Variants in ZNF66 observed in about 807,000 individuals in gnomAD.
ZNF66 encodes the protein zinc finger protein 66.
In ZNF66, 32 loss-of-function variants were observed where a neutral mutation model predicts 35.2. The observed-to-expected ratio is 0.91, with a 90% CI of 0.69 to 1.22. ZNF66 has a LOEUF of 1.22. Among genes scored for constraint, ZNF66 ranks in the 50% most tolerant of loss-of-function variants. ZNF66 has a pLI of 0.00. For synonymous variants in ZNF66, 231 were observed against 181.3 expected (o/e 1.27, Z -2.20); for missense variants, 666 against 543.1 (o/e 1.23, Z -2.25).
At chr19:20,787,760 A>AC in intron 1 of ZNF66, among the ~76,000 whole-genome samples, 1 of 152,350 alleles carries the variant, frequency 6.6e-6, no homozygotes, top group East Asian at 1.9e-4. Context: ...AATTATAATT[A>AC]CCTGTAAAGT....
At position 20,795,605 on chromosome 19, in the gene ZNF66, G is replaced by A. The variant is rs183806485; in HGVS notation, c.226+1727G>A. Reference sequence around the variant, plus strand: ...TGGTCTTGAACTCCTGACCTCAGGCGATCCGCCCGCCTCAGCCTCCCAAAT... The same window carrying A: ...TGGTCTTGAACTCCTGACCTCAGGCAATCCGCCCGCCTCAGCCTCCCAAAT... On this transcript the variant is annotated intron_variant, in intron 3 of 3. Transcript: ENST00000344519. 2.0e-4 allele frequency among the ~76,000 whole-genome samples: 31 copies of A among 152,140 alleles called. 1 individual carries two copies. Among genetic ancestry groups the A allele is most frequent in the Middle Eastern group, 3.4e-3 (1 of 294 alleles).
intron 3 of ZNF66, among the ~76,000 whole-genome samples, chr19:20,798,508 T>C (rs895028802): frequency 5.9e-5 from 9 of 151,466 alleles, no homozygotes; most frequent in Admixed American, 5.3e-4. Flanking sequence ...TGAGGGGGAG[T>C]CAAAATTGTG....
chr19:20,779,245 C>A (rs752346316), intron 1 of ZNF66, among the ~76,000 whole-genome samples: 1 of 150,096 alleles, frequency 6.7e-6, no homozygotes, highest in Non-Finnish European at 1.5e-5. Context: ...ATTATTGCAA[C>A]AGGAGAAAGT....
intron 3 of ZNF66, among the ~76,000 whole-genome samples, chr19:20,800,787 T>C (rs980258390): frequency 6.6e-6 from 1 of 152,180 alleles, no homozygotes; most frequent in Admixed American, 6.5e-5. Context: ...AAATAAACCT[T>C]TTTTCTTTAT....
intron 3 of ZNF66, among the ~76,000 whole-genome samples, chr19:20,797,147 G>A (rs559230471): frequency 5.3e-4 from 77 of 146,322 alleles, no homozygotes; most frequent in African/African-American, 1.8e-3. Flanking sequence ...CACCACACCC[G>A]GCCTGACAAT....
At chr19:20,782,023 A>G (rs1971250082) in intron 1 of ZNF66, among the ~76,000 whole-genome samples, 1 of 152,006 alleles carries the variant, frequency 6.6e-6, no homozygotes. Context: ...TTTAACCTCA[A>G]CCTCCCAGGC....
Position 20,806,813 on chromosome 19 carries a change from G to A in ZNF66, c.1213G>A (p.Val405Met), listed in dbSNP as rs762663898. 10 of 1,303,566 alleles carry A rather than the reference G, an allele frequency of 7.7e-6. No homozygotes were observed. The East Asian group carries it at 1.8e-4, about 24-fold the overall frequency. The allele number at this position is 1,303,566 out of a possible 1,614,324, so 80.7% of individuals were successfully genotyped here. The change falls in exon 4 of 4, where the codon GTG becomes ATG. Residue 405 changes from valine (V) to methionine (M), a missense_variant. Coordinates refer to ENST00000344519, the MANE Select transcript of ZNF66 (RefSeq NM_001355197.2). ...KPYKCEECGK[V>M]FKHSSPLSKH... ...TTACAAATGTGAAGAATGTGGCAAAGTGTTTAAGCACTCCTCTCCCCTTTC... is the reference window on the plus strand; with the variant it reads ...TTACAAATGTGAAGAATGTGGCAAAATGTTTAAGCACTCCTCTCCCCTTTC...
intron 3 of ZNF66, among the ~76,000 whole-genome samples, chr19:20,795,655 C>T (rs1179546468): frequency 6.6e-6 from 1 of 152,148 alleles, no homozygotes; most frequent in Non-Finnish European, 1.5e-5. Context: ...GTGTGAGGCA[C>T]TGTACCCTGC....
intron 1 of ZNF66, among the ~76,000 whole-genome samples, chr19:20,777,980 G>T (rs1247187657): frequency 6.6e-6 from 1 of 151,868 alleles, no homozygotes; most frequent in African/African-American, 2.4e-5. Flanking sequence ...CTTTTTGCAG[G>T]GTAAATTTTT....
chr19:20,782,499 T>C (rs1474402861), intron 1 of ZNF66, among the ~76,000 whole-genome samples: 1 of 152,222 alleles, frequency 6.6e-6, no homozygotes, highest in Non-Finnish European at 1.5e-5. Context: ...CAGAAGAGTA[T>C]AAGCATTCTG....
At chr19:20,793,332 CT>C (rs781748526) in intron 2 of ZNF66, among the ~76,000 whole-genome samples, 5 of 84,606 alleles carry the variant, frequency 5.9e-5, no homozygotes, top group African/African-American at 9.3e-5. Flanking sequence ...CTTTTCTTTT[CT>C]TTTTTTTTTT....
rs766829883 is a variant in ZNF66, at chr19:20,806,701, A to G, written c.1101A>G (p.Lys367=). The G allele has an allele frequency of 9.6e-6, 14 of 1,464,608 alleles. No homozygotes were observed. The highest frequency in any genetic ancestry group is 1.1e-5 in the Non-Finnish European group (12 of 1,046,458). 90.7% of individuals were successfully genotyped at this position (1,464,608 alleles called of 1,614,324 possible). ...TKHKIIHTGE[K]PYKCEECGEA... is the part of the protein sequence containing the mutation. The stretch of plus-strand genomic sequence containing the variant: ...ATAAAATAATCCATACTGGAGAGAA[A>G]CCCTACAAATGTGAAGAATGTGGTG... The change falls in exon 4 of 4, where the codon AAA becomes AAG. Residue 367 remains lysine, a synonymous_variant. Transcript: ENST00000344519.
At chr19:20,803,078 A>G (rs1057272918) in intron 3 of ZNF66, among the ~76,000 whole-genome samples, 2 of 151,944 alleles carry the variant, frequency 1.3e-5, no homozygotes, top group African/African-American at 2.4e-5. Context: ...TGAAATTTCT[A>G]CTTCCATCTT....
At chr19:20,791,552 T>G (rs1389643002) in intron 1 of ZNF66, among the ~76,000 whole-genome samples, 1 of 144,796 alleles carries the variant, frequency 6.9e-6, no homozygotes, top group Non-Finnish European at 1.5e-5. Context: ...CCAGAAATTC[T>G]GAAAAAAATT....
Position 20,808,276 on chromosome 19 carries a change from C to G in ZNF66, c.*954C>G, listed in dbSNP as rs972313910. Among the ~76,000 whole-genome samples, 1 of 152,210 alleles carries G rather than the reference C, an allele frequency of 6.6e-6. No individual in the cohort carries two copies. The highest frequency in any genetic ancestry group is 1.5e-5 in the Non-Finnish European group (1 of 68,042). On this transcript the variant is annotated 3_prime_UTR_variant, in exon 4 of 4. Coordinates refer to ENST00000344519, the MANE Select transcript of ZNF66 (RefSeq NM_001355197.2). ...CCTCTGTAGGCTCCACCTCTGGGGT[C>G]AGGGCACAGACAAAAAGACAGCAGT...
intron 1 of ZNF66, among the ~76,000 whole-genome samples, chr19:20,788,395 A>G (rs1287730609): frequency 2.6e-5 from 4 of 152,132 alleles, no homozygotes; most frequent in African/African-American, 7.2e-5. Context: ...AGGCATATTT[A>G]TGAACAGAAG....
chr19:20,793,328 TTTTC>T (rs1191111777), intron 2 of ZNF66, among the ~76,000 whole-genome samples: 22 of 34,292 alleles, frequency 6.4e-4, no homozygotes, highest in African/African-American at 1.0e-3. Context: ...TTTTCTTTTC[TTTTC>T]TTTTTTTTTT....
chr19:20,782,917 T>C (rs1283725760), intron 1 of ZNF66, among the ~76,000 whole-genome samples: 1 of 152,170 alleles, frequency 6.6e-6, no homozygotes, highest in Non-Finnish European at 1.5e-5. Flanking sequence ...CATCATGAAG[T>C]CTTTGCCAGT....
At chr19:20,787,478 G>A (rs547225478) in intron 1 of ZNF66, among the ~76,000 whole-genome samples, 2 of 152,280 alleles carry the variant, frequency 1.3e-5, no homozygotes, top group South Asian at 4.2e-4. Context: ...GCCTCTGCCT[G>A]GGATTTACAA....
Sources: gnomAD v4.1 joint callset for allele counts (sites outside exome capture counted in the v4.1 genomes callset) on GRCh38, gnomAD v4.1.1 for gene constraint, MANE v1.5 for transcripts, NCBI Gene and HGNC (gene_info 2026-07-23, HGNC 2026-07-21) for gene names.